Variants in PCDH9 observed in about 807,000 individuals in gnomAD.
PCDH9 encodes protocadherin 9.
PCDH9 carries 24 observed loss-of-function variants against 70.6 expected under a neutral mutation model. That is an observed-to-expected ratio of 0.34 (90% CI 0.25 to 0.48). The LOEUF (loss-of-function observed/expected upper bound fraction) is 0.48. Ranked by LOEUF, PCDH9 falls within the 20% of genes least tolerant of loss-of-function variation. PCDH9 has a pLI of 0.99. For synonymous variants in PCDH9, 562 were observed against 558.5 expected, an observed-to-expected ratio of 1.01 and a Z score of -0.09; for missense variants, 1,281 against 1,503.6, an observed-to-expected ratio of 0.85 and a Z score of 2.45.
At chr13:66,761,229 C>T (rs2079622202) in intron 3 of PCDH9, among the ~76,000 whole-genome samples, 1 of 152,056 alleles carries the variant, frequency 6.6e-6, no homozygotes, top group Non-Finnish European at 1.5e-5. Context: ...CATGTGATGT[C>T]ACCCCCGGAA....
intron 2 of PCDH9, among the ~76,000 whole-genome samples, chr13:66,919,329 C>T (rs796349673): frequency 4.6e-5 from 7 of 151,332 alleles, no homozygotes; most frequent in African/African-American, 1.7e-4. Context: ...GTCCAAAATT[C>T]AAGCTTACAC....
chr13:66,406,959 T>C (rs1385745590), intron 4 of PCDH9, among the ~76,000 whole-genome samples: 2 of 152,172 alleles, frequency 1.3e-5, no homozygotes, highest in Admixed American at 6.5e-5. Flanking sequence ...AGCAAAACCA[T>C]ATACAGTGGT....
intron 4 of PCDH9, among the ~76,000 whole-genome samples, chr13:66,579,167 C>G (rs925375801): frequency 6.6e-6 from 1 of 151,988 alleles, no homozygotes; most frequent in African/African-American, 2.4e-5. Flanking sequence ...TTTTGGCATG[C>G]ATAATAAATA....
At chr13:66,863,675 A>G (rs2081522049) in intron 3 of PCDH9, among the ~76,000 whole-genome samples, 1 of 151,926 alleles carries the variant, frequency 6.6e-6, no homozygotes, top group Non-Finnish European at 1.5e-5. Flanking sequence ...TTTAGTAGAG[A>G]CGGGGTTTCA....
chr13:66,643,744 A>G (rs983579936), intron 3 of PCDH9, among the ~76,000 whole-genome samples: 1 of 152,070 alleles, frequency 6.6e-6, no homozygotes, highest in Non-Finnish European at 1.5e-5. Context: ...CTAAATGTGG[A>G]TAGAGCAATC....
At chr13:66,454,229 T>C (rs1252643363) in intron 4 of PCDH9, among the ~76,000 whole-genome samples, 1 of 152,122 alleles carries the variant, frequency 6.6e-6, no homozygotes, top group Non-Finnish European at 1.5e-5. Flanking sequence ...AAGACATTAT[T>C]TTACAGCTAC....
At chr13:66,695,734 CTGAT>C (rs1453864422) in intron 3 of PCDH9, among the ~76,000 whole-genome samples, 3 of 152,038 alleles carry the variant, frequency 2.0e-5, no homozygotes, top group African/African-American at 7.2e-5. Context: ...TTTTAATTGA[CTGAT>C]TGCACTGTAA....
At chr13:66,794,617 G>A (rs1444108632) in intron 3 of PCDH9, among the ~76,000 whole-genome samples, 2 of 152,068 alleles carry the variant, frequency 1.3e-5, no homozygotes, top group Admixed American at 1.3e-4. Flanking sequence ...AATCTCTGTG[G>A]ATTAAAGTTC....
chr13:66,688,760 A>G (rs1399266587), intron 3 of PCDH9, among the ~76,000 whole-genome samples: 1 of 152,212 alleles, frequency 6.6e-6, no homozygotes, highest in African/African-American at 2.4e-5. Flanking sequence ...CCTTACATTT[A>G]TATAGCACTT....
At chr13:66,613,372 C>T (rs543829754) in intron 4 of PCDH9, among the ~76,000 whole-genome samples, 2 of 152,166 alleles carry the variant, frequency 1.3e-5, no homozygotes, top group East Asian at 1.9e-4. Context: ...TTTGTCTTGC[C>T]TCTTCTCCAC....
intron 4 of PCDH9, among the ~76,000 whole-genome samples, chr13:66,618,238 A>G (rs148812742): frequency 6.6e-6 from 1 of 152,270 alleles, no homozygotes; most frequent in Non-Finnish European, 1.5e-5. Flanking sequence ...AAAGAACCTC[A>G]TCTTTAGCTG....
intron 4 of PCDH9, among the ~76,000 whole-genome samples, chr13:66,601,104 G>A (rs1006496887): frequency 1.4e-5 from 2 of 144,650 alleles, no homozygotes; most frequent in African/African-American, 5.0e-5. Flanking sequence ...TTATGATTCA[G>A]GTTACTATTT....
At position 67,174,064 on chromosome 13, in the gene PCDH9, G is replaced by C. The variant is rs151242838; in HGVS notation, c.3036+51341C>G. Reference sequence around the variant, plus strand: ...TTCTAGATGTAATAAAAATTTTAAAGCATCTTTATTTTTTCATAGACAGTA... The same window carrying C: ...TTCTAGATGTAATAAAAATTTTAAACCATCTTTATTTTTTCATAGACAGTA... On this transcript the variant is annotated intron_variant, in intron 2 of 4. Transcript: ENST00000377865. Among the ~76,000 whole-genome samples the C allele has an allele frequency of 7.5e-4, 114 of 151,976 alleles. 2 individuals are homozygous for C. In the East Asian group the frequency reaches 0.02, roughly 27 times the overall value.
intron 3 of PCDH9, among the ~76,000 whole-genome samples, chr13:66,871,722 T>C (rs981825988): frequency 2.0e-5 from 3 of 152,186 alleles, no homozygotes; most frequent in Admixed American, 1.3e-4. Context: ...TTACATTATA[T>C]ATATTTGTTA....
intron 4 of PCDH9, among the ~76,000 whole-genome samples, chr13:66,541,507 G>A (rs1324567263): frequency 6.6e-6 from 1 of 152,086 alleles, no homozygotes; most frequent in Non-Finnish European, 1.5e-5. Flanking sequence ...TCTTTTAATT[G>A]TCGGTGGTTT....
intron 3 of PCDH9, among the ~76,000 whole-genome samples, chr13:66,892,720 T>G (rs1206963882): frequency 3.3e-5 from 5 of 152,118 alleles, no homozygotes; most frequent in Admixed American, 3.3e-4. Context: ...TTTGGGCTTC[T>G]GCTATTTGAA....
chr13:66,686,075 G>A (rs1362653157), intron 3 of PCDH9, among the ~76,000 whole-genome samples: 1 of 152,124 alleles, frequency 6.6e-6, no homozygotes, highest in Non-Finnish European at 1.5e-5. Flanking sequence ...GAAATGTGAG[G>A]TCATGAGATT....
chr13:66,573,740 T>A (rs919155077), intron 4 of PCDH9, among the ~76,000 whole-genome samples: 12 of 134,012 alleles, frequency 9.0e-5, no homozygotes, highest in African/African-American at 3.2e-4. Context: ...TGGGTTTTTT[T>A]GTTTGTTTGT....
chr13:66,429,430 G>GT (rs5804281), intron 4 of PCDH9, among the ~76,000 whole-genome samples: 12,737 of 144,918 alleles, frequency 0.088, 832 homozygotes, highest in African/African-American at 0.17. Flanking sequence ...TATTTTTTCT[G>GT]TTTTTTTTTT....
Sources: gnomAD v4.1 joint callset for allele counts (sites outside exome capture counted in the v4.1 genomes callset) on GRCh38, gnomAD v4.1.1 for gene constraint, MANE v1.5 for transcripts, NCBI Gene and HGNC (gene_info 2026-07-23, HGNC 2026-07-21) for gene names.